The following OR1L8 variants were observed in gnomAD, a reference collection of about 807,000 sequenced individuals.
The protein encoded by OR1L8 is olfactory receptor family 1 subfamily L member 8, also known as olfactory receptor 1L8.
For synonymous variants in OR1L8, 148 were observed against 147.0 expected (o/e 1.01, Z -0.05); for missense variants, 330 against 377.4 (o/e 0.87, Z 1.04).
At chr9:122,561,393 G>A in the OR1L8 span, among the ~76,000 whole-genome samples, 1 of 152,146 alleles carries the variant, frequency 6.6e-6, no homozygotes, top group Non-Finnish European at 1.5e-5. Context: ...GAGAGGTGTT[G>A]TGATCATTTG....
the OR1L8 span, among the ~76,000 whole-genome samples, chr9:122,558,650 T>C: frequency 6.6e-6 from 1 of 151,432 alleles, no homozygotes; most frequent in Admixed American, 6.6e-5. Flanking sequence ...AATTATTAGG[T>C]TTGCCATTAC....
chr9:122,567,954 A>T lies in OR1L8; in HGVS notation c.524T>A (p.Ile175Asn). The T allele has an allele frequency of 6.2e-7, 1 of 1,614,198 alleles. No individual in the cohort carries two copies. The highest frequency in any genetic ancestry group is 8.5e-7 in the Non-Finnish European group (1 of 1,180,028). ...NRLTFCDSNV[I>N]HHFLCDLSPV... is the part of the protein sequence containing the mutation. ...GCTGAGGTCACAGAGAAAGTGGTGG[A>T]TAACATTGGAGTCACAGAAGGTGAG... The change falls in exon 5 of 5, where the codon ATC becomes AAC. Residue 175 changes from isoleucine (I) to asparagine (N), a missense_variant. Ile to Asn is a moderately radical substitution (Grantham distance 149, BLOSUM62 -3). Transcript: ENST00000641027.
rs1465969594 is a variant in OR1L8 at position 122,569,301 on chromosome 9, T to G, written c.-212-612A>C. 2.0e-5 allele frequency among the ~76,000 whole-genome samples: 3 copies of G among 152,272 alleles called. No homozygotes were observed. In the East Asian group the frequency reaches 5.8e-4, roughly 29 times the overall value. ...AGAATAAGCACCCATTGTTAAGTGT[T>G]AAATCTGTTTTTAATTTATCTTTTA... On this transcript the variant is annotated intron_variant, in intron 4 of 4. Transcript: ENST00000641027.
the OR1L8 span, chr9:122,553,900 T>G: frequency 0.72 from 1,165,947 of 1,613,430 alleles, 425,800 homozygotes; most frequent in East Asian, 1. Context: ...GCTGTGTTTG[T>G]CATCTCATCT....
intron 1 of OR1L8, among the ~76,000 whole-genome samples, chr9:122,580,948 T>C (rs1829731712): frequency 6.6e-6 from 1 of 152,202 alleles, no homozygotes; most frequent in Non-Finnish European, 1.5e-5. Context: ...AATAAGGTCC[T>C]AGAATGAGCA....
chr9:122,552,612 A>G, the OR1L8 span, among the ~76,000 whole-genome samples: 1 of 152,098 alleles, frequency 6.6e-6, no homozygotes, highest in Admixed American at 6.6e-5. Context: ...CTCAGCTCAC[A>G]TATCCTTTGC....
At chr9:122,581,914 A>C (rs1267062531) in intron 1 of OR1L8, among the ~76,000 whole-genome samples, 1 of 152,122 alleles carries the variant, frequency 6.6e-6, no homozygotes, top group Non-Finnish European at 1.5e-5. Context: ...TCCATCTCAA[A>C]ATAAATAAAT....
At chr9:122,550,193 T>C in the OR1L8 span, among the ~76,000 whole-genome samples, 4 of 152,102 alleles carry the variant, frequency 2.6e-5, no homozygotes, top group African/African-American at 4.8e-5. Context: ...TCTCCGAAGA[T>C]TGTGCCAGGA....
intron 1 of OR1L8, among the ~76,000 whole-genome samples, chr9:122,579,689 G>T (rs11792451): frequency 0.026 from 4,025 of 152,274 alleles, 123 homozygotes; most frequent in African/African-American, 0.071. Flanking sequence ...GGGGTATGGT[G>T]TCATAATTAT....
the OR1L8 span, chr9:122,553,632 C>T: frequency 6.2e-7 from 1 of 1,613,984 alleles, no homozygotes; most frequent in Non-Finnish European, 8.5e-7. Flanking sequence ...ATCTATGAGT[C>T]CCCAGCTCTG....
At chr9:122,574,262 C>T (rs566562802) in intron 3 of OR1L8, among the ~76,000 whole-genome samples, 6 of 152,016 alleles carry the variant, frequency 3.9e-5, no homozygotes, top group Admixed American at 6.6e-5. Context: ...GGATTTTGAT[C>T]GGTATTGCAT....
chr9:122,581,084 T>C (rs559818933), intron 1 of OR1L8, among the ~76,000 whole-genome samples: 7 of 152,290 alleles, frequency 4.6e-5, no homozygotes, highest in African/African-American at 1.7e-4. Context: ...GTGACAAATA[T>C]GGGCTGGGCA....
At chr9:122,546,923 C>A in the OR1L8 span, among the ~76,000 whole-genome samples, 1 of 152,108 alleles carries the variant, frequency 6.6e-6, no homozygotes, top group Non-Finnish European at 1.5e-5. Flanking sequence ...TATCCATCAT[C>A]TCGAACATTT....
At chr9:122,582,554 C>T (rs1393609747) in intron 1 of OR1L8, among the ~76,000 whole-genome samples, 3 of 137,432 alleles carry the variant, frequency 2.2e-5, no homozygotes, top group Admixed American at 1.5e-4. Context: ...TATCTCTGCA[C>T]AAAATTAAAA....
chr9:122,577,372 T>G (rs1429006758), intron 2 of OR1L8, among the ~76,000 whole-genome samples: 1 of 152,202 alleles, frequency 6.6e-6, no homozygotes, highest in Non-Finnish European at 1.5e-5. Flanking sequence ...CCAAAAGTTT[T>G]CAGTAGTTTT....
chr9:122,553,940 C>G, the OR1L8 span: 1 of 1,613,950 alleles, frequency 6.2e-7, no homozygotes, highest in Non-Finnish European at 8.5e-7. Context: ...CCTTCTCTAC[C>G]TGTGGTTCTC....
chr9:122,563,878 C>G (rs1037480189), downstream of OR1L8, among the ~76,000 whole-genome samples: 16 of 152,152 alleles, frequency 1.1e-4, no homozygotes, highest in Non-Finnish European at 1.3e-4. Flanking sequence ...GTGCTTTTCC[C>G]AATGTGTATT....
chr9:122,554,353 C>G, the OR1L8 span: 1 of 549,602 alleles, frequency 1.8e-6, no homozygotes, highest in East Asian at 3.1e-5. Context: ...CTGTCTCAGC[C>G]TCTTTCCTGA....
At chr9:122,582,895 A>C (rs1296320147) in intron 1 of OR1L8, among the ~76,000 whole-genome samples, 1 of 152,130 alleles carries the variant, frequency 6.6e-6, no homozygotes, top group Non-Finnish European at 1.5e-5. Flanking sequence ...TAAAATGAAA[A>C]CTAAAAGCAG....
Sources: allele counts gnomAD v4.1 joint callset (sites outside exome capture counted in the v4.1 genomes callset), GRCh38; gene constraint gnomAD v4.1.1; transcripts MANE v1.5; gene names NCBI Gene and HGNC (gene_info 2026-07-23, HGNC 2026-07-21).